DLC1: variants seen among roughly 807,000 people sequenced by gnomAD.
DLC1 encodes DLC1 Rho GTPase activating protein.
In DLC1, 54 loss-of-function variants were observed where a neutral mutation model predicts 140.3. The ratio of observed to expected loss-of-function variants is 0.38; its 90% CI spans 0.31 to 0.48. DLC1 has a LOEUF of 0.48. DLC1 is among the 20% of genes least tolerant of loss of function. The probability of loss-of-function intolerance (pLI) is 0.96; values close to 1 mark genes in which losing one functional copy is unlikely to be tolerated. For synonymous variants in DLC1, 986 were observed against 728.1 expected (o/e 1.35, Z -5.70); for missense variants, 2,536 against 1,907.0 (o/e 1.33, Z -6.14).
chr8:13,309,228 A>C (rs1305587760), intron 4 of DLC1, among the ~76,000 whole-genome samples: 1 of 152,184 alleles, frequency 6.6e-6, no homozygotes, highest in Non-Finnish European at 1.5e-5. Flanking sequence ...GGTTCGCTGT[A>C]ACTTATATAT....
intron 1 of DLC1, among the ~76,000 whole-genome samples, chr8:13,583,088 A>G (rs961983684): frequency 1.3e-5 from 2 of 151,674 alleles, no homozygotes; most frequent in South Asian, 2.1e-4. Flanking sequence ...GTGGTGGCCG[A>G]AAGTTGAGGT....
rs1817332520 is a variant in DLC1 at position 13,083,749 on chromosome 8, T to C, written c.*2062A>G. On this transcript the variant is annotated 3_prime_UTR_variant, in exon 18 of 18. Transcript: ENST00000276297. ...TGAACCTTCACCAGGGTTTCCTGTT[T>C]GGGAGTGGGTGGCTCAGTTGCAGTT... 1 of 152,640 alleles carries C rather than the reference T, an allele frequency of 6.6e-6. No homozygotes were observed. Among genetic ancestry groups the C allele is most frequent in the African/African-American group, 2.4e-5 (1 of 41,442 alleles). 9.5% of individuals were successfully genotyped at this position (152,640 alleles called of 1,614,324 possible).
intron 5 of DLC1, among the ~76,000 whole-genome samples, chr8:13,219,662 T>C (rs995405437): frequency 6.6e-6 from 1 of 151,914 alleles, no homozygotes; most frequent in African/African-American, 2.4e-5. Context: ...TATATCTATA[T>C]CTATATCTCC....
intron 5 of DLC1, among the ~76,000 whole-genome samples, chr8:13,301,756 G>A (rs559116045): frequency 1.2e-3 from 176 of 152,266 alleles, no homozygotes; most frequent in African/African-American, 3.9e-3. Flanking sequence ...GAACATTACC[G>A]TCTGAGCTCT....
At chr8:13,389,275 C>T (rs1439696655) in intron 4 of DLC1, among the ~76,000 whole-genome samples, 1 of 152,052 alleles carries the variant, frequency 6.6e-6, no homozygotes, top group Non-Finnish European at 1.5e-5. Context: ...TAATGTTCAG[C>T]TTTAAAACCT....
chr8:13,351,511 GA>G (rs969301511), intron 4 of DLC1, among the ~76,000 whole-genome samples: 8 of 150,468 alleles, frequency 5.3e-5, no homozygotes, highest in African/African-American at 1.2e-4. Context: ...TGGATGTTTG[GA>G]AAAAAAAAGT....
chr8:13,521,159 C>A lies in DLC1; in HGVS notation c.-125-20963G>T, dbSNP rs751956436. ...AGCAAACTAACACAGAAACAGGAAA[C>A]CAAACACTGCATGTTCTTACTCATA... is the stretch of plus-strand genomic sequence containing the variant. On this transcript the variant is annotated intron_variant, in intron 1 of 1. Coordinates refer to the DLC1 transcript ENST00000631382. Among the ~76,000 whole-genome samples the A allele has an allele frequency of 2.6e-5, 4 of 151,968 alleles. 1 individual carries two copies. The highest frequency in any genetic ancestry group is 5.9e-5 in the Non-Finnish European group (4 of 67,994).
chr8:13,434,546 G>T (rs1466468675), intron 2 of DLC1, among the ~76,000 whole-genome samples: 2 of 152,136 alleles, frequency 1.3e-5, no homozygotes, highest in African/African-American at 2.4e-5. Flanking sequence ...CACAAAGAAG[G>T]ATTTGGCTGG....
chr8:13,153,665 G>T (rs1451846112), intron 5 of DLC1, among the ~76,000 whole-genome samples: 1 of 152,110 alleles, frequency 6.6e-6, no homozygotes, highest in Non-Finnish European at 1.5e-5. Flanking sequence ...AGTGCTGATT[G>T]GTGCATTTAC....
rs551194245 is a variant in DLC1, at chr8:13,467,801, A to T, written c.1023+31248T>A. ...TTTCTGCATCTCTTCATATGATCAT[A>T]AATTTTTTTCTCCTTTCATCTGTTA... On this transcript the variant is annotated intron_variant, in intron 2 of 17. Coordinates refer to ENST00000276297, the MANE Select transcript of DLC1 (RefSeq NM_182643.3). 2.6e-5 allele frequency among the ~76,000 whole-genome samples: 4 copies of T among 152,216 alleles called. No homozygotes were observed. In the South Asian group the frequency reaches 8.3e-4, roughly 32 times the overall value.
chr8:13,321,946 G>A (rs938262547), intron 4 of DLC1, among the ~76,000 whole-genome samples: 1 of 151,858 alleles, frequency 6.6e-6, no homozygotes, highest in Non-Finnish European at 1.5e-5. Context: ...TTTAGTATCT[G>A]GGTAAAAATT....
chr8:13,167,272 C>A (rs150874923), intron 5 of DLC1, among the ~76,000 whole-genome samples: 78 of 152,134 alleles, frequency 5.1e-4, no homozygotes, highest in African/African-American at 1.9e-3. Flanking sequence ...TTTGTCTTAA[C>A]ATTTCCTATG....
At chr8:13,492,769 C>G (rs1801320376) in intron 2 of DLC1, among the ~76,000 whole-genome samples, 1 of 152,164 alleles carries the variant, frequency 6.6e-6, no homozygotes. Flanking sequence ...TTTCATTTAT[C>G]TTACAATTAA....
At chr8:13,409,744 A>G (rs1252733566) in intron 2 of DLC1, among the ~76,000 whole-genome samples, 1 of 152,188 alleles carries the variant, frequency 6.6e-6, no homozygotes, top group Non-Finnish European at 1.5e-5. Flanking sequence ...ATGAATAAAT[A>G]GTATTTGTCT....
At chr8:13,253,205 A>T (rs1830083327) in intron 5 of DLC1, among the ~76,000 whole-genome samples, 1 of 152,250 alleles carries the variant, frequency 6.6e-6, no homozygotes, top group African/African-American at 2.4e-5. Context: ...GTTAAAAATA[A>T]GAATAGTCAT....
chr8:13,156,600 G>C (rs1026369041), intron 5 of DLC1, among the ~76,000 whole-genome samples: 1 of 152,164 alleles, frequency 6.6e-6, no homozygotes, highest in Non-Finnish European at 1.5e-5. Context: ...TCCTTCCAGG[G>C]CGTAATCATA....
intron 4 of DLC1, among the ~76,000 whole-genome samples, chr8:13,371,686 G>A (rs1671417): frequency 0.7 from 106,232 of 151,896 alleles, 37,878 homozygotes; most frequent in East Asian, 0.84. Flanking sequence ...CACCCATTGT[G>A]TAACACCTTC....
intron 4 of DLC1, among the ~76,000 whole-genome samples, chr8:13,361,671 T>C (rs891084872): frequency 1.3e-5 from 2 of 152,186 alleles, no homozygotes; most frequent in Non-Finnish European, 2.9e-5. Flanking sequence ...TTTCCTATAT[T>C]TCAAAGATAG....
At chr8:13,451,889 A>G (rs1009986897) in intron 2 of DLC1, among the ~76,000 whole-genome samples, 1 of 152,198 alleles carries the variant, frequency 6.6e-6, no homozygotes, top group African/African-American at 2.4e-5. Flanking sequence ...TATACCCAGC[A>G]GTAGGATTGC....
Sources: allele counts gnomAD v4.1 joint callset (sites outside exome capture counted in the v4.1 genomes callset), GRCh38; gene constraint gnomAD v4.1.1; transcripts MANE v1.5; gene names NCBI Gene and HGNC (gene_info 2026-07-23, HGNC 2026-07-21).